Variants in TNFRSF9 observed in about 807,000 individuals in gnomAD.
TNFRSF9 encodes TNF receptor superfamily member 9.
In TNFRSF9, 16 loss-of-function variants were observed where a neutral mutation model predicts 28.8. That is an observed-to-expected ratio of 0.55 (90% confidence interval 0.38 to 0.84). TNFRSF9 has a LOEUF of 0.84. TNFRSF9 is among the 40% of genes least tolerant of loss of function. The pLI is 0.00. For missense variants in TNFRSF9, 303 were observed against 315.0 expected, an observed-to-expected ratio of 0.96 and a Z score of 0.29; for synonymous variants, 131 against 117.0, an observed-to-expected ratio of 1.12 and a Z score of -0.77.
rs1578078013 is a variant in TNFRSF9, at chr1:7,937,905, G to C, written c.347-149C>G. The C allele has an allele frequency of 5.7e-6, 4 of 704,748 alleles. No individual in the cohort carries two copies. In the East Asian group the frequency reaches 1.1e-4, roughly 19 times the overall value. 43.7% of individuals were successfully genotyped at this position (704,748 alleles called of 1,614,324 possible). A position where few individuals can be genotyped will look rare whatever the true frequency, so the allele number is the denominator to read the frequency against. ...TTGAAACAACACCCTAAGATGGCTA[G>C]TTTTTATTTTAATTGTACATAAAGT... On this transcript the variant is annotated intron_variant, in intron 4 of 7. Transcript: ENST00000377507.
chr1:7,929,611 G>A (rs879504358), intron 7 of TNFRSF9, among the ~76,000 whole-genome samples: 9 of 152,124 alleles, frequency 5.9e-5, no homozygotes, highest in Non-Finnish European at 1.3e-4. Context: ...CATACCATAT[G>A]ATTCTATTTA....
intron 7 of TNFRSF9, among the ~76,000 whole-genome samples, chr1:7,925,302 C>CA (rs200320091): frequency 1.6e-3 from 202 of 128,446 alleles, no homozygotes; most frequent in Middle Eastern, 4.0e-3. Context: ...GACCCTGCCT[C>CA]AAAAAAAAAA....
chr1:7,935,951 C>G (rs1639809580), intron 5 of TNFRSF9, among the ~76,000 whole-genome samples: 1 of 152,186 alleles, frequency 6.6e-6, no homozygotes, highest in African/African-American at 2.4e-5. Flanking sequence ...TAAATGGTAG[C>G]TATCATTATC....
At position 7,933,698 on chromosome 1, in the gene TNFRSF9, A is replaced by G. The variant is rs112138324; in HGVS notation, c.545-402T>C. 2.0e-5 allele frequency among the ~76,000 whole-genome samples: 3 copies of G among 151,894 alleles called. No individual in the cohort carries two copies. In the South Asian group the frequency reaches 6.2e-4, roughly 32 times the overall value. On this transcript the variant is annotated intron_variant, in intron 6 of 7. Coordinates refer to ENST00000377507, the MANE Select transcript of TNFRSF9 (RefSeq NM_001561.6). ...CAACAGAGTGAGACTCCATCTCAAA[A>G]AAAAGAAAAGAAAGAAAAGAAAAAG...
chr1:7,929,589 T>C (rs967734367), intron 7 of TNFRSF9, among the ~76,000 whole-genome samples: 1 of 152,184 alleles, frequency 6.6e-6, no homozygotes, highest in African/African-American at 2.4e-5. Flanking sequence ...CTATCTATGA[T>C]TTAGCTTGAC....
At chr1:7,935,321 C>A (rs1023876158) in intron 5 of TNFRSF9, among the ~76,000 whole-genome samples, 178 bp from the exon 6 acceptor site, 1 of 152,228 alleles carries the variant, frequency 6.6e-6, no homozygotes, top group Non-Finnish European at 1.5e-5. Context: ...TGGCTCCCTG[C>A]AGCTTTCCAT....
chr1:7,937,887 A>G, intron 4 of TNFRSF9, 131 bp from the exon 5 acceptor site: 1 of 799,726 alleles, frequency 1.3e-6, no homozygotes, highest in Non-Finnish European at 2.0e-6. Flanking sequence ...TTCTTGAAAC[A>G]ACACCCTAAG....
At position 7,918,930 on chromosome 1, in the gene TNFRSF9, C is replaced by G. The variant is rs1639518971; in HGVS notation, c.*1905G>C. On this transcript the variant is annotated 3_prime_UTR_variant, in exon 8 of 8. Coordinates refer to ENST00000377507, the MANE Select transcript of TNFRSF9 (RefSeq NM_001561.6). ...TGACGGGAGTACATTAGAACAGCCA[C>G]TTTGAAAAGCAATTTGGTACTGCAG... 1 of 152,168 alleles carries G rather than the reference C, an allele frequency of 6.6e-6. No individual in the cohort carries two copies. Among genetic ancestry groups the G allele is most frequent in the Non-Finnish European group, 1.5e-5 (1 of 68,042 alleles). 9.4% of individuals were successfully genotyped at this position (152,168 alleles called of 1,614,324 possible). A position where few individuals can be genotyped will look rare whatever the true frequency, so the allele number is the denominator to read the frequency against.
chr1:7,938,098 C>G (rs1639848756), intron 4 of TNFRSF9, 95 bp downstream of exon 4: 1 of 1,219,706 alleles, frequency 8.2e-7, no homozygotes, highest in Non-Finnish European at 1.1e-6. Flanking sequence ...CTTTAAGGTT[C>G]TACAAATCTG....
chr1:7,929,967 CTTT>C (rs56299901), intron 7 of TNFRSF9, among the ~76,000 whole-genome samples: 3 of 113,104 alleles, frequency 2.7e-5, no homozygotes, highest in Non-Finnish European at 3.4e-5. Context: ...GACCTAAAAC[CTTT>C]TTTTTTTTTT....
Position 7,920,873 on chromosome 1 carries a change from G to C in TNFRSF9, c.730C>G (p.Arg244Gly). ...TTQEEDGCSC[R>G]FPEEEEGGCE... ...CCTCCTTCTTCTTCTTCTGGAAATC[G>C]GCAGCTACAGCCATCTTCCTCTTGA... The change falls in exon 8 of 8, where the codon CGA becomes GGA. Residue 244 changes from arginine to glycine, a missense_variant. Physicochemically the swap from Arg to Gly is moderately radical, Grantham distance 125. Transcript: ENST00000377507. 6.2e-7 allele frequency: 1 copy of C among 1,613,736 alleles called. No individual in the cohort carries two copies. Among genetic ancestry groups the C allele is most frequent in the Non-Finnish European group, 8.5e-7 (1 of 1,179,934 alleles).
At chr1:7,924,717 G>A (rs190976591) in intron 7 of TNFRSF9, among the ~76,000 whole-genome samples, 73 of 152,300 alleles carry the variant, frequency 4.8e-4, no homozygotes, top group African/African-American at 1.7e-3. Context: ...TCCAGAAGAA[G>A]ACATTGTTCT....
In TNFRSF9 at chr1:7,916,400, CAT is replaced by C. The variant is rs1372778498; in HGVS notation, c.*4433_*4434del. ...GTGTTTTTCATTTATAGCTTTTGCA[CAT>C]GATACCAGAATAGGCTATGATAAAA... On this transcript the variant is annotated 3_prime_UTR_variant, in exon 8 of 8. Coordinates refer to ENST00000377507, the MANE Select transcript of TNFRSF9 (RefSeq NM_001561.6). 2 of 152,184 alleles carry C rather than the reference CAT, an allele frequency of 1.3e-5. No homozygotes were observed. Among genetic ancestry groups the C allele is most frequent in the African/African-American group, 4.8e-5 (2 of 41,444 alleles). The allele number at this position is 152,184 out of a possible 1,614,324, so 9.4% of individuals were successfully genotyped here. A position where few individuals can be genotyped will look rare whatever the true frequency, so the allele number is the denominator to read the frequency against.
At chr1:7,930,207 A>G (rs997172887) in intron 7 of TNFRSF9, among the ~76,000 whole-genome samples, 1 of 151,938 alleles carries the variant, frequency 6.6e-6, no homozygotes, top group Admixed American at 6.6e-5. Flanking sequence ...ACCTCAGGTG[A>G]TCTGCCCGCC....
chr1:7,920,683 C>A lies in TNFRSF9; in HGVS notation c.*152G>T. 1.6e-6 allele frequency: 1 copy of A among 644,806 alleles called. No homozygotes were observed. Among genetic ancestry groups the A allele is most frequent in the African/African-American group, 1.8e-5 (1 of 54,162 alleles). The allele number at this position is 644,806 out of a possible 1,614,324, so 39.9% of individuals were successfully genotyped here. ...AAAAAAGTGGTGCATTTTTAAAGGC[C>A]AACTCATTGGCATTTAGAAAAGAAC... On this transcript the variant is annotated 3_prime_UTR_variant, in exon 8 of 8. Transcript: ENST00000377507.
At chr1:7,935,821 A>C (rs953447724) in intron 5 of TNFRSF9, among the ~76,000 whole-genome samples, 18 of 151,764 alleles carry the variant, frequency 1.2e-4, no homozygotes, top group African/African-American at 4.1e-4. Flanking sequence ...GAAAAAAGAA[A>C]CCTCCCTAAG....
chr1:7,922,672 C>T (rs1293893598), intron 7 of TNFRSF9, among the ~76,000 whole-genome samples: 6 of 151,868 alleles, frequency 4.0e-5, no homozygotes, highest in African/African-American at 1.4e-4. Context: ...ATTAGCTGGG[C>T]ATGGTGGCGC....
At chr1:7,932,739 A>G (rs1243554943) in intron 7 of TNFRSF9, among the ~76,000 whole-genome samples, 1 of 138,974 alleles carries the variant, frequency 7.2e-6, no homozygotes, top group Non-Finnish European at 1.5e-5. Flanking sequence ...ACACATACAC[A>G]CACACACACA....
At chr1:7,924,202 C>T (rs1236569952) in intron 7 of TNFRSF9, among the ~76,000 whole-genome samples, 2 of 151,428 alleles carry the variant, frequency 1.3e-5, no homozygotes, top group Non-Finnish European at 2.9e-5. Flanking sequence ...TTATGTACAG[C>T]ACATAATCCT....
Sources: gnomAD v4.1 joint callset for allele counts (sites outside exome capture counted in the v4.1 genomes callset) on GRCh38, gnomAD v4.1.1 for gene constraint, MANE v1.5 for transcripts, NCBI Gene and HGNC (gene_info 2026-07-23, HGNC 2026-07-21) for gene names.